RELL1: variants seen among roughly 807,000 people sequenced by gnomAD.
RELL1 encodes RELT like 1, also known as RELT-like protein 1.
Under a neutral mutation model 23.0 loss-of-function variants are expected in RELL1, and 10 were observed. That is an observed-to-expected ratio of 0.43 (90% CI 0.27 to 0.74). The LOEUF (loss-of-function observed/expected upper bound fraction) is 0.74, where lower values mean the gene tolerates loss of function less well. Among genes scored for constraint, RELL1 ranks in the 30% least tolerant of loss-of-function variants. The pLI, the probability that RELL1 is intolerant of heterozygous loss-of-function variation, is 0.19. For missense variants in RELL1, 315 were observed against 364.4 expected, an observed-to-expected ratio of 0.86 and a Z score of 1.10; for synonymous variants, 146 against 146.8, an observed-to-expected ratio of 0.99 and a Z score of 0.04.
chr4:37,605,019 A>T (rs1242713515), intron 6 of RELL1, among the ~76,000 whole-genome samples: 1 of 152,156 alleles, frequency 6.6e-6, no homozygotes, highest in Admixed American at 6.5e-5. Flanking sequence ...ATATTTTCAA[A>T]CTACTTAATA....
At chr4:37,669,181 T>TGGG (rs533323150) in intron 1 of RELL1, among the ~76,000 whole-genome samples, 2 of 80,976 alleles carry the variant, frequency 2.5e-5, no homozygotes, top group African/African-American at 1.4e-4. Flanking sequence ...GGGAGGGAGG[T>TGGG]GGGGGGGGGG....
At chr4:37,618,365 G>A (rs1362274145) in intron 6 of RELL1, among the ~76,000 whole-genome samples, 2 of 151,814 alleles carry the variant, frequency 1.3e-5, no homozygotes, top group African/African-American at 4.8e-5. Context: ...GACTACAGGT[G>A]CATGCCACCC....
chr4:37,613,707 C>T (rs544300710), intron 6 of RELL1, among the ~76,000 whole-genome samples: 3 of 152,236 alleles, frequency 2.0e-5, no homozygotes, highest in East Asian at 3.9e-4. Flanking sequence ...CAAGACAGCA[C>T]GGTTGGGATT....
rs1720814380 is a variant in RELL1, at chr4:37,649,375, G to A, written c.214C>T (p.Leu72Phe). Residue 72 changes from leucine (L) to phenylalanine (F), a missense_variant, in exon 2 of 7, where the codon CTC becomes TTC. Coordinates refer to ENST00000454158, the MANE Select transcript of RELL1 (RefSeq NM_001085400.2). ...ALVPVFFIMGLFGVLICHLLK... is the reference protein window; with the variant it reads ...ALVPVFFIMGFFGVLICHLLK... ...AGGTGGCAAATGAGGACGCCAAAGAGACCCATGATAAAGAACACAGGGACA... is the reference window on the plus strand; with the variant it reads ...AGGTGGCAAATGAGGACGCCAAAGAAACCCATGATAAAGAACACAGGGACA... The A allele has an allele frequency of 1.2e-6, 2 of 1,614,216 alleles. No homozygotes were observed. Among genetic ancestry groups the A allele is most frequent in the East Asian group, 2.2e-5 (1 of 44,892 alleles).
In RELL1 at chr4:37,669,049, G is replaced by A. The variant is rs868606486; in HGVS notation, c.88+17151C>T. Among the ~76,000 whole-genome samples, 59 of 133,200 alleles carry A rather than the reference G, an allele frequency of 4.4e-4. 1 individual carries two copies. The highest frequency in any genetic ancestry group is 1.0e-3 in the African/African-American group (30 of 29,440). 87.4% of individuals were successfully genotyped at this position (133,200 alleles called of 152,430 possible). A position where few individuals can be genotyped will look rare whatever the true frequency, so the allele number is the denominator to read the frequency against. On this transcript the variant is annotated intron_variant, in intron 1 of 6. Coordinates refer to ENST00000454158, the MANE Select transcript of RELL1 (RefSeq NM_001085400.2). Reference sequence around the variant, plus strand: ...CCTGGCCAGCCGCCCCGTCCGGGAGGGAGGTGGGGGGGTCAGCCCCCCGCC... The same window carrying A: ...CCTGGCCAGCCGCCCCGTCCGGGAGAGAGGTGGGGGGGTCAGCCCCCCGCC...
intron 1 of RELL1, among the ~76,000 whole-genome samples, chr4:37,661,970 G>A (rs1341776937): frequency 3.3e-5 from 5 of 152,126 alleles, no homozygotes; most frequent in South Asian, 4.1e-4. Context: ...ACACCCAGAT[G>A]GCACCCACCT....
Position 37,592,208 on chromosome 4 carries a change from C to CA in RELL1, c.*4-992dup, listed in dbSNP as rs34307749. ...TGGGTGACAGTGCAAGACTCCATCT[C>CA]AAAAAAAAAAAAAAAAAAAAGAGCT... On this transcript the variant is annotated intron_variant, in intron 6 of 6. Transcript: ENST00000314117. Among the ~76,000 whole-genome samples the CA allele has an allele frequency of 9.8e-3, 911 of 93,276 alleles. 7 individuals carry two copies. The highest frequency in any genetic ancestry group is 0.014 in the African/African-American group (313 of 21,878). 61.2% of individuals were successfully genotyped at this position (93,276 alleles called of 152,430 possible).
intron 6 of RELL1, among the ~76,000 whole-genome samples, chr4:37,619,183 G>A (rs532525113): frequency 1.3e-4 from 18 of 134,412 alleles, no homozygotes; most frequent in Non-Finnish European, 2.7e-4. Context: ...CCACCTCCCT[G>A]CACCACATTT....
chr4:37,609,840 T>TAAC (rs1719320648), downstream of RELL1, among the ~76,000 whole-genome samples: 1 of 152,194 alleles, frequency 6.6e-6, no homozygotes, highest in African/African-American at 2.4e-5. Flanking sequence ...AGGAATTGCT[T>TAAC]AACAGATGAT....
rs563860277 is a variant in RELL1, at chr4:37,653,590, C to T, written c.89-4090G>A. ...ATAAACTTCTAAATTGACTGAGACC[C>T]GTCTCAGATACTTTTTGGTTTCCAG... On this transcript the variant is annotated intron_variant, in intron 1 of 6. Coordinates refer to ENST00000454158, the MANE Select transcript of RELL1 (RefSeq NM_001085400.2). Among the ~76,000 whole-genome samples the T allele has an allele frequency of 7.2e-5, 11 of 152,154 alleles. No individual in the cohort carries two copies. The South Asian group carries it at 1.7e-3, about 23-fold the overall frequency.
At chr4:37,622,954 G>A (rs754426917) in intron 6 of RELL1, 16 of 385,438 alleles carry the variant, frequency 4.2e-5, no homozygotes, top group Admixed American at 1.0e-4. Context: ...ACAGGTGCCC[G>A]CCACCATGCC....
chr4:37,616,187 T>TTAAC (rs1719568227), intron 6 of RELL1, among the ~76,000 whole-genome samples: 2 of 152,224 alleles, frequency 1.3e-5, no homozygotes, highest in Non-Finnish European at 2.9e-5. Context: ...TCTAGGGTCA[T>TTAAC]TAACTCAATC....
At chr4:37,634,379 C>T (rs923980554) in intron 5 of RELL1, among the ~76,000 whole-genome samples, 2 of 152,226 alleles carry the variant, frequency 1.3e-5, no homozygotes, top group Non-Finnish European at 2.9e-5. Flanking sequence ...GTTAGCTTGG[C>T]TGGGTGATCA....
At chr4:37,589,472 C>A (rs944975715), downstream of RELL1, among the ~76,000 whole-genome samples, 18 of 152,146 alleles carry the variant, frequency 1.2e-4, 1 homozygote, top group Non-Finnish European at 1.5e-5. Context: ...TTAGTGACTG[C>A]ATAATATTCC....
chr4:37,669,454 G>A (rs1721728738), intron 1 of RELL1, among the ~76,000 whole-genome samples: 1 of 151,450 alleles, frequency 6.6e-6, no homozygotes, highest in Non-Finnish European at 1.5e-5. Flanking sequence ...TCCGGGAGGT[G>A]AGGGGCGCCT....
At chr4:37,620,161 C>G (rs1353779737) in intron 6 of RELL1, among the ~76,000 whole-genome samples, 1 of 152,144 alleles carries the variant, frequency 6.6e-6, no homozygotes. Context: ...AAATAGAAAT[C>G]ACTTTTTTTA....
In RELL1 at chr4:37,621,563, G is replaced by A. The variant is rs139800710; in HGVS notation, c.*4-8221C>T. On this transcript the variant is annotated intron_variant, in intron 6 of 6. Transcript: ENST00000454158. The stretch of plus-strand genomic sequence containing the variant: ...TCTAATTATAGGTAAAAATGTCTCC[G>A]AAAGCCTTTCATTTTCCGCTTCCCT... Among the ~76,000 whole-genome samples, 959 of 152,084 alleles carry A rather than the reference G, an allele frequency of 6.3e-3. 15 individuals are homozygous for A. Among genetic ancestry groups the A allele is most frequent in the South Asian group, 0.02 (98 of 4,806 alleles).
chr4:37,637,486 C>T (rs1720372444), intron 4 of RELL1, among the ~76,000 whole-genome samples: 1 of 152,236 alleles, frequency 6.6e-6, no homozygotes, highest in Admixed American at 6.5e-5. Flanking sequence ...CTTCCTACAG[C>T]CAGCCCTGAC....
intron 1 of RELL1, among the ~76,000 whole-genome samples, chr4:37,661,870 C>T (rs906988043): frequency 2.6e-5 from 4 of 152,144 alleles, no homozygotes; most frequent in Non-Finnish European, 5.9e-5. Context: ...AAACTTGAGG[C>T]AGCTACCAGC....
Sources: allele counts gnomAD v4.1 joint callset (sites outside exome capture counted in the v4.1 genomes callset), GRCh38; gene constraint gnomAD v4.1.1; transcripts MANE v1.5; gene names NCBI Gene and HGNC (gene_info 2026-07-23, HGNC 2026-07-21).